Variants in RNF14 observed in about 807,000 individuals in gnomAD.
RNF14 encodes E3 ubiquitin-protein ligase RNF14.
RNF14 carries 26 observed loss-of-function variants against 52.6 expected under a neutral mutation model. The ratio of observed to expected loss-of-function variants is 0.49; its 90% CI spans 0.36 to 0.69. The LOEUF (loss-of-function observed/expected upper bound fraction) is 0.69, where lower values mean the gene tolerates loss of function less well. RNF14 is among the 30% of genes least tolerant of loss of function. The pLI is 0.00. For missense variants in RNF14, 404 were observed against 560.4 expected, an observed-to-expected ratio of 0.72 and a Z score of 2.82; for synonymous variants, 194 against 202.0, an observed-to-expected ratio of 0.96 and a Z score of 0.34.
chr5:141,984,497 A>G (rs927511368), intron 7 of RNF14, among the ~76,000 whole-genome samples: 2 of 152,242 alleles, frequency 1.3e-5, no homozygotes, highest in Non-Finnish European at 2.9e-5. Flanking sequence ...CCCACACGTT[A>G]CATCCAAACA....
At chr5:141,987,480 C>T (rs543261040) in intron 8 of RNF14, among the ~76,000 whole-genome samples, 7 of 152,082 alleles carry the variant, frequency 4.6e-5, no homozygotes, top group Non-Finnish European at 1.0e-4. Flanking sequence ...AAAAGACAGC[C>T]AATTAAATCT....
upstream of RNF14, chr5:141,955,732 C>G: frequency 6.2e-7 from 1 of 1,614,050 alleles, no homozygotes; most frequent in Non-Finnish European, 8.5e-7. This position sits in a 1 kb window ranked among gnomAD's most constrained non-coding sequence, Gnocchi z 5.5. Context: ...CCCAGGCTTG[C>G]GGGCTGAGTC....
chr5:141,970,934 A>C (rs1304562793), intron 2 of RNF14, 57 bp downstream of exon 2: 1 of 152,392 alleles, frequency 6.6e-6, no homozygotes, highest in Non-Finnish European at 1.5e-5. Context: ...GATGCAGCTT[A>C]AGCAGAGCCA....
At chr5:141,955,844 C>G (rs531630376), upstream of RNF14, 4 of 1,614,122 alleles carry the variant, frequency 2.5e-6, no homozygotes, top group East Asian at 2.2e-5. This position sits in a 1 kb window ranked among gnomAD's most constrained non-coding sequence, Gnocchi z 5.5. Context: ...AGCTCCCACT[C>G]ACTCCCAATG....
upstream of RNF14, chr5:141,956,716 T>C (rs1327389760): frequency 9.9e-6 from 16 of 1,614,108 alleles, no homozygotes; most frequent in Non-Finnish European, 1.4e-5. Flanking sequence ...ATCCAAGTCA[T>C]CTGCCATGAC....
upstream of RNF14, among the ~76,000 whole-genome samples, chr5:141,962,689 T>G (rs565938827): frequency 3.9e-5 from 6 of 152,320 alleles, no homozygotes; most frequent in East Asian, 1.2e-3. Flanking sequence ...ATTATAGACC[T>G]CCTTCATGAT....
chr5:141,955,192 G>A (rs1190551960), upstream of RNF14: 6 of 1,614,242 alleles, frequency 3.7e-6, no homozygotes, highest in Non-Finnish European at 5.1e-6. This position sits in a 1 kb window ranked among gnomAD's most constrained non-coding sequence, Gnocchi z 5.5. Context: ...CAGCCTCCCT[G>A]TGGGGCTGCC....
intron 5 of RNF14, 22 bp downstream of exon 5, chr5:141,978,852 G>A: frequency 6.2e-7 from 1 of 1,605,220 alleles, no homozygotes; most frequent in Non-Finnish European, 8.5e-7. Context: ...CCCTGCTGAT[G>A]GTTGCCTCCT....
chr5:141,971,015 T>G (rs1364513085), intron 2 of RNF14, 138 bp downstream of exon 2: 1 of 152,292 alleles, frequency 6.6e-6, no homozygotes, highest in Non-Finnish European at 1.5e-5. Flanking sequence ...AGTATGACCT[T>G]TTAAAATGTA....
upstream of RNF14, chr5:141,957,025 T>C (rs143217665): frequency 2.4e-4 from 383 of 1,614,176 alleles, no homozygotes; most frequent in Admixed American, 3.8e-4. This position sits in a 1 kb window ranked among gnomAD's most constrained non-coding sequence, Gnocchi z 4.3. Flanking sequence ...CACCTCCCCA[T>C]TGGGGCCTTG....
upstream of RNF14, chr5:141,957,868 G>A: frequency 6.3e-7 from 1 of 1,588,358 alleles, no homozygotes; most frequent in South Asian, 1.1e-5. This position sits in a 1 kb window ranked among gnomAD's most constrained non-coding sequence, Gnocchi z 4.3. Flanking sequence ...CGCCAAGTGG[G>A]CTAGATTCAG....
chr5:141,974,489 A>C (rs1410462513), intron 3 of RNF14, among the ~76,000 whole-genome samples: 7 of 152,226 alleles, frequency 4.6e-5, no homozygotes, highest in Non-Finnish European at 1.5e-5. Context: ...CATCCACTGT[A>C]AACCAAACCA....
rs769680258 is a variant in RNF14 at position 141,980,094 on chromosome 5, A to G, written c.835-29A>G. The G allele has an allele frequency of 2.0e-5, 31 of 1,587,010 alleles. 1 individual carries two copies. The highest frequency in any genetic ancestry group is 3.3e-4 in the Middle Eastern group (2 of 6,038). On this transcript the variant is annotated intron_variant, in intron 5 of 8. Coordinates refer to ENST00000394520, the MANE Select transcript of RNF14 (RefSeq NM_004290.5). ...TTCAGAACTGGTTGTGGAATCATCAAACCTATGGTGTTTTGTATTTCCCTC... is the reference window on the plus strand; with the variant it reads ...TTCAGAACTGGTTGTGGAATCATCAGACCTATGGTGTTTTGTATTTCCCTC...
chr5:141,956,547 T>A, upstream of RNF14: 1 of 1,614,220 alleles, frequency 6.2e-7, no homozygotes, highest in Non-Finnish European at 8.5e-7. Context: ...GCTGGAGTCC[T>A]TGGTCTTGGG....
the RNF14 span, chr5:141,951,567 C>T: frequency 1.2e-6 from 2 of 1,614,188 alleles, no homozygotes; most frequent in South Asian, 1.1e-5. Context: ...CCTGATGCAG[C>T]AAGGACAGCA....
chr5:141,970,067 G>A (rs116322678), intron 1 of RNF14, among the ~76,000 whole-genome samples: 5 of 152,214 alleles, frequency 3.3e-5, no homozygotes, highest in East Asian at 3.9e-4. Flanking sequence ...TTACACATCC[G>A]AGAATCTGGT....
At chr5:141,952,118 A>G in the RNF14 span, among the ~76,000 whole-genome samples, 1 of 152,118 alleles carries the variant, frequency 6.6e-6, no homozygotes, top group Non-Finnish European at 1.5e-5. Context: ...GGTGGTTGCT[A>G]TGGGAGTAAG....
upstream of RNF14, chr5:141,956,894 C>T (rs1204079352): frequency 6.2e-7 from 1 of 1,614,220 alleles, no homozygotes; most frequent in Non-Finnish European, 8.5e-7. Flanking sequence ...TGAACATCCA[C>T]CTCGTAGGCA....
rs961425062 is a variant in RNF14, at chr5:141,973,810, T to C, written c.154+68T>C. ...ATTTCTTAGTGTACCTTAAACTATT[T>C]GTCATTTTGTGTTTTAGGCATTAGT... On this transcript the variant is annotated intron_variant, in intron 3 of 8. Transcript: ENST00000394520. 5.6e-5 allele frequency: 75 copies of C among 1,348,644 alleles called. No individual in the cohort carries two copies. The African/African-American group carries it at 9.6e-4, about 17-fold the overall frequency. 83.5% of individuals were successfully genotyped at this position (1,348,644 alleles called of 1,614,324 possible).
Sources: allele counts gnomAD v4.1 joint callset (sites outside exome capture counted in the v4.1 genomes callset), GRCh38; gene constraint gnomAD v4.1.1; non-coding constraint Gnocchi (gnomAD v3.1); transcripts MANE v1.5; gene names NCBI Gene and HGNC (gene_info 2026-07-23, HGNC 2026-07-21).